NFIA: variants seen among roughly 807,000 people sequenced by gnomAD.
NFIA encodes nuclear factor 1 A-type.
Under a neutral mutation model 62.8 loss-of-function variants are expected in NFIA, and 8 were observed. That is an observed-to-expected ratio of 0.13 (90% CI 0.07 to 0.23). NFIA has a LOEUF of 0.23. NFIA is among the 10% of genes least tolerant of loss of function. NFIA has a pLI of 1.00. For missense variants in NFIA, 410 were observed against 642.1 expected (o/e 0.64, Z 3.91); for synonymous variants, 235 against 238.1 (o/e 0.99, Z 0.12).
intron 2 of NFIA, among the ~76,000 whole-genome samples, chr1:61,214,795 C>T (rs949611121): frequency 1.3e-5 from 2 of 152,222 alleles, no homozygotes; most frequent in Non-Finnish European, 2.9e-5. Flanking sequence ...TTTGTAAGTA[C>T]ATACTTTGTT....
chr1:61,251,188 T>G (rs1656012314), intron 2 of NFIA: 1 of 152,228 alleles, frequency 6.6e-6, no homozygotes, highest in Admixed American at 6.5e-5. Context: ...TGTGTGTGTT[T>G]GTGTGCGCAT....
chr1:61,272,869 G>A (rs893915485), intron 2 of NFIA, among the ~76,000 whole-genome samples: 1 of 152,142 alleles, frequency 6.6e-6, no homozygotes, highest in African/African-American at 2.4e-5. Flanking sequence ...TTTTGGGTTT[G>A]GATGCCTTCT....
intron 3 of NFIA, among the ~76,000 whole-genome samples, chr1:61,327,227 A>G (rs553490552): frequency 4.6e-5 from 7 of 151,254 alleles, no homozygotes; most frequent in African/African-American, 1.7e-4. Context: ...AAAGTTTTAC[A>G]GTATATATAA....
chr1:61,386,174 C>A (rs1264343219), intron 7 of NFIA, among the ~76,000 whole-genome samples: 1 of 152,098 alleles, frequency 6.6e-6, no homozygotes, highest in South Asian at 2.1e-4. Context: ...TGGAATGATA[C>A]CACATTTGGG....
At chr1:61,329,808 G>A (rs1251144764) in intron 3 of NFIA, among the ~76,000 whole-genome samples, 2 of 152,152 alleles carry the variant, frequency 1.3e-5, no homozygotes, top group African/African-American at 2.4e-5. Context: ...CATCAGATTT[G>A]CATATCTGTC....
chr1:61,392,596 C>A (rs903871017), intron 7 of NFIA, among the ~76,000 whole-genome samples: 1 of 151,996 alleles, frequency 6.6e-6, no homozygotes, highest in African/African-American at 2.4e-5. Flanking sequence ...AAATGCACAA[C>A]TAAAAGCTCT....
intron 2 of NFIA, among the ~76,000 whole-genome samples, chr1:61,175,670 T>C (rs1650294453): frequency 6.6e-6 from 1 of 152,222 alleles, no homozygotes; most frequent in Non-Finnish European, 1.5e-5. Context: ...TTTATGCAGA[T>C]GATTGTTACA....
At chr1:61,225,451 A>G (rs138044070) in intron 2 of NFIA, among the ~76,000 whole-genome samples, 9,682 of 151,492 alleles carry the variant, frequency 0.064, 347 homozygotes, top group Non-Finnish European at 0.072. Flanking sequence ...GGGTTTCACC[A>G]TGTTGGCCAG....
At chr1:61,443,568 G>C (rs181429148) in intron 10 of NFIA, among the ~76,000 whole-genome samples, 1 of 152,196 alleles carries the variant, frequency 6.6e-6, no homozygotes, top group East Asian at 1.9e-4. Context: ...ACAACCTGCA[G>C]TTTTGCCAGG....
At chr1:61,417,265 TTGTG>T (rs5774557) in intron 9 of NFIA, among the ~76,000 whole-genome samples, 13 of 139,182 alleles carry the variant, frequency 9.3e-5, no homozygotes, top group Admixed American at 1.5e-4. Flanking sequence ...TTCCTCATCT[TTGTG>T]TGTGTGTGTG....
chr1:61,272,948 C>T (rs1657602825), intron 2 of NFIA, among the ~76,000 whole-genome samples: 1 of 152,178 alleles, frequency 6.6e-6, no homozygotes, highest in South Asian at 2.1e-4. Context: ...AAAGGCTCTT[C>T]AGACTTCATC....
chr1:61,210,067 C>T (rs1321994130), intron 2 of NFIA, among the ~76,000 whole-genome samples: 1 of 152,050 alleles, frequency 6.6e-6, no homozygotes, highest in Non-Finnish European at 1.5e-5. Flanking sequence ...CATGCTGAGC[C>T]CAGGTGTTGT....
chr1:61,329,502 C>G (rs1432662569), intron 3 of NFIA, among the ~76,000 whole-genome samples: 1 of 151,436 alleles, frequency 6.6e-6, no homozygotes, highest in Non-Finnish European at 1.5e-5. Context: ...CCTGCCTCAG[C>G]CTCCTGAGTA....
At chr1:61,321,271 GT>G (rs1660665247) in intron 3 of NFIA, among the ~76,000 whole-genome samples, 1 of 151,914 alleles carries the variant, frequency 6.6e-6, no homozygotes, top group Non-Finnish European at 1.5e-5. Flanking sequence ...GATTATTTTT[GT>G]TTCTCTGTTC....
At chr1:61,257,433 A>T (rs961312315) in intron 2 of NFIA, among the ~76,000 whole-genome samples, 1 of 132,512 alleles carries the variant, frequency 7.5e-6, no homozygotes, top group African/African-American at 2.8e-5. Context: ...TGCCTCCCGG[A>T]TTCAAGCAAT....
intron 4 of NFIA, among the ~76,000 whole-genome samples, chr1:61,336,517 G>A (rs544441387): frequency 1.3e-5 from 2 of 152,238 alleles, no homozygotes; most frequent in South Asian, 2.1e-4. Flanking sequence ...CAGTATTGAC[G>A]CATAATTAAT....
intron 6 of NFIA, among the ~76,000 whole-genome samples, chr1:61,377,651 C>T (rs1664215642): frequency 6.6e-6 from 1 of 152,156 alleles, no homozygotes; most frequent in Non-Finnish European, 1.5e-5. Flanking sequence ...TATAAATGAA[C>T]ATTATTGAAA....
intron 9 of NFIA, among the ~76,000 whole-genome samples, chr1:61,413,805 T>C (rs1309512369): frequency 6.6e-6 from 1 of 151,312 alleles, no homozygotes. Context: ...TTTTGTATTT[T>C]TTAGTGGAGA....
At chr1:61,451,075 G>C (rs1341771069) in intron 10 of NFIA, among the ~76,000 whole-genome samples, 1 of 152,184 alleles carries the variant, frequency 6.6e-6, no homozygotes, top group Non-Finnish European at 1.5e-5. Flanking sequence ...ATTGCTCTCT[G>C]TGAGGCGTAC....
Sources: gnomAD v4.1 joint callset for allele counts (sites outside exome capture counted in the v4.1 genomes callset) on GRCh38, gnomAD v4.1.1 for gene constraint, MANE v1.5 for transcripts, NCBI Gene and HGNC (gene_info 2026-07-23, HGNC 2026-07-21) for gene names.